The following CLVS1 variants were observed in gnomAD, a reference collection of about 807,000 sequenced individuals.
CLVS1 encodes clavesin 1.
Under a neutral mutation model 33.1 loss-of-function variants are expected in CLVS1, and 10 were observed. The ratio of observed to expected loss-of-function variants is 0.30; its 90% CI spans 0.19 to 0.51. The LOEUF is 0.51. CLVS1 is among the 20% of genes least tolerant of loss of function. The probability of loss-of-function intolerance (pLI) is 0.97; values close to 1 mark genes in which losing one functional copy is unlikely to be tolerated. For missense variants in CLVS1, 343 were observed against 433.4 expected, an observed-to-expected ratio of 0.79 and a Z score of 1.85; for synonymous variants, 163 against 166.1, an observed-to-expected ratio of 0.98 and a Z score of 0.14.
At chr8:61,366,780 T>C (rs1175527390) in intron 2 of CLVS1, among the ~76,000 whole-genome samples, 5 of 152,206 alleles carry the variant, frequency 3.3e-5, no homozygotes, top group African/African-American at 1.2e-4. Flanking sequence ...TTGTTATAAA[T>C]AGGACAGGAA....
chr8:61,257,445 G>T (rs1809108014), intron 2 of CLVS1, among the ~76,000 whole-genome samples: 1 of 152,178 alleles, frequency 6.6e-6, no homozygotes, highest in Admixed American at 6.5e-5. Flanking sequence ...AAGCATACTT[G>T]AAAAGGCTAG....
At chr8:61,061,760 T>C (rs984180043) in intron 1 of CLVS1, among the ~76,000 whole-genome samples, 1 of 151,404 alleles carries the variant, frequency 6.6e-6, no homozygotes, top group Non-Finnish European at 1.5e-5. Flanking sequence ...GGGGATTATC[T>C]AGTTGCAGTT....
chr8:61,419,128 G>C (rs1315899779), intron 3 of CLVS1, among the ~76,000 whole-genome samples: 1 of 152,184 alleles, frequency 6.6e-6, no homozygotes, highest in Non-Finnish European at 1.5e-5. Flanking sequence ...GCTGGGCGTG[G>C]TGTCTCATGT....
At chr8:61,484,560 C>T (rs543671440) in intron 5 of CLVS1, among the ~76,000 whole-genome samples, 6 of 152,300 alleles carry the variant, frequency 3.9e-5, no homozygotes, top group African/African-American at 1.4e-4. Context: ...ATCAAGCTAC[C>T]AATGACTTTC....
At chr8:61,386,690 A>G (rs1034854007) in intron 3 of CLVS1, among the ~76,000 whole-genome samples, 2 of 152,208 alleles carry the variant, frequency 1.3e-5, no homozygotes, top group Admixed American at 6.5e-5. Flanking sequence ...CAAAATAACC[A>G]TAGGGAATGA....
At chr8:61,197,215 G>T (rs921941632) in intron 2 of CLVS1, among the ~76,000 whole-genome samples, 1 of 152,138 alleles carries the variant, frequency 6.6e-6, no homozygotes. Flanking sequence ...GTGAGATATA[G>T]GAGTCTAGTT....
chr8:61,240,428 AG>A (rs1585714803), intron 2 of CLVS1, among the ~76,000 whole-genome samples: 1 of 152,192 alleles, frequency 6.6e-6, no homozygotes, highest in East Asian at 1.9e-4. Context: ...ACTCCACAAT[AG>A]CCCTCTGCCC....
chr8:61,004,719 C>T, the CLVS1 span, among the ~76,000 whole-genome samples: 1 of 152,182 alleles, frequency 6.6e-6, no homozygotes, highest in Admixed American at 6.5e-5. Context: ...AGCAGGGCTG[C>T]GGGGGAGCTG....
intron 5 of CLVS1, among the ~76,000 whole-genome samples, chr8:61,470,265 G>A (rs1357047007): frequency 6.6e-6 from 1 of 152,176 alleles, no homozygotes; most frequent in Non-Finnish European, 1.5e-5. Context: ...TAGTTAATAA[G>A]AGAATGAATG....
intron 2 of CLVS1, among the ~76,000 whole-genome samples, chr8:61,135,627 G>T (rs1411661703): frequency 6.6e-6 from 1 of 152,198 alleles, no homozygotes; most frequent in Non-Finnish European, 1.5e-5. Flanking sequence ...CCCTGCTGAA[G>T]CCAAGACTGG....
chr8:61,446,499 G>T (rs957889576), intron 3 of CLVS1, among the ~76,000 whole-genome samples: 8 of 152,216 alleles, frequency 5.3e-5, no homozygotes, highest in African/African-American at 1.9e-4. Flanking sequence ...TTGCTGGTGG[G>T]GACTATGTAA....
the CLVS1 span, among the ~76,000 whole-genome samples, chr8:61,052,115 G>A: frequency 6.6e-6 from 1 of 152,222 alleles, no homozygotes; most frequent in Admixed American, 6.5e-5. Flanking sequence ...CCCCGTGGGA[G>A]ACAGATTGGA....
chr8:61,433,103 G>A (rs1012279956), intron 3 of CLVS1, among the ~76,000 whole-genome samples: 6 of 152,202 alleles, frequency 3.9e-5, no homozygotes, highest in Middle Eastern at 3.4e-3. Flanking sequence ...ATAGGCACAT[G>A]CCACCACACC....
intron 2 of CLVS1, among the ~76,000 whole-genome samples, chr8:61,154,350 G>A (rs1223452195): frequency 2.6e-5 from 4 of 152,130 alleles, no homozygotes; most frequent in Non-Finnish European, 1.5e-5. Context: ...ATCAAATGCA[G>A]TGGAGGTAAC....
At chr8:61,257,432 T>C (rs1213373044) in intron 2 of CLVS1, among the ~76,000 whole-genome samples, 1 of 152,220 alleles carries the variant, frequency 6.6e-6, no homozygotes, top group African/African-American at 2.4e-5. Flanking sequence ...TTATATATGA[T>C]TCAAGCATAC....
chr8:60,972,525 A>T, the CLVS1 span, among the ~76,000 whole-genome samples: 116 of 152,312 alleles, frequency 7.6e-4, no homozygotes, highest in Non-Finnish European at 7.4e-5. Flanking sequence ...ACCAGCCATT[A>T]TTCTGGAGGT....
chr8:61,371,312 G>A (rs181639870), intron 2 of CLVS1, among the ~76,000 whole-genome samples: 18 of 152,210 alleles, frequency 1.2e-4, no homozygotes, highest in South Asian at 4.1e-4. Flanking sequence ...GTCTATTCAC[G>A]TCTTTAGCCC....
At chr8:61,018,289 C>T in the CLVS1 span, among the ~76,000 whole-genome samples, 1 of 152,172 alleles carries the variant, frequency 6.6e-6, no homozygotes, top group Non-Finnish European at 1.5e-5. Context: ...CTCCTCCTTA[C>T]TGTCGCTTAT....
rs1259004204 is a variant in CLVS1, at chr8:61,232,034, T to TGTTTGTTTGTTTG, written c.-151-67643_-151-67642insGTTTGTTTGTTTG. Among the ~76,000 whole-genome samples the TGTTTGTTTGTTTG allele has an allele frequency of 1.4e-4, 19 of 133,036 alleles. 2 individuals carry two copies. The highest frequency in any genetic ancestry group is 5.5e-4 in the African/African-American group (17 of 30,820). 87.3% of individuals were successfully genotyped at this position (133,036 alleles called of 152,430 possible). On this transcript the variant is annotated intron_variant, in intron 2 of 2. Coordinates refer to the CLVS1 transcript ENST00000522621. ...TGAGGAAAGTTGTGGTTTTTTTTTT[T>TGTTTGTTTGTTTG]TTTTTTTTTTTTTTTTGTGAGATGG...
Sources: allele counts gnomAD v4.1 joint callset (sites outside exome capture counted in the v4.1 genomes callset), GRCh38; gene constraint gnomAD v4.1.1; transcripts MANE v1.5; gene names NCBI Gene and HGNC (gene_info 2026-07-23, HGNC 2026-07-21).